Variants in TPP2 observed in about 807,000 individuals in gnomAD.
TPP2 encodes the protein tripeptidyl peptidase 2.
Under a neutral mutation model 155.9 loss-of-function variants are expected in TPP2, and 34 were observed. The ratio of observed to expected loss-of-function variants is 0.22; its 90% CI spans 0.17 to 0.29. The LOEUF (loss-of-function observed/expected upper bound fraction) is 0.29. Ranked by LOEUF, TPP2 falls within the 10% of genes least tolerant of loss-of-function variation. TPP2 has a pLI of 1.00. For synonymous variants in TPP2, 510 were observed against 529.4 expected (o/e 0.96, Z 0.50); for missense variants, 1,028 against 1,522.3 (o/e 0.68, Z 5.40).
Position 102,618,785 on chromosome 13 carries a change from A to C in TPP2, c.559A>C (p.Lys187Gln), listed in dbSNP as rs1475060461. ...GGAATTGCTAAATTCTTTTGAGAAG[A>C]AATACAGCGATCCTGGCCCTGTATA... ...QVELLNSFEK[K>Q]YSDPGPVYDC... Residue 187 changes from lysine to glutamine, a missense_variant, in exon 5 of 30, where the codon AAA becomes CAA. Physicochemically the swap from Lys to Gln is moderately conservative, Grantham distance 53. Transcript: ENST00000376052. 6.2e-7 allele frequency: 1 copy of C among 1,614,028 alleles called. No homozygotes were observed. Among genetic ancestry groups the C allele is most frequent in the Non-Finnish European group, 8.5e-7 (1 of 1,179,904 alleles).
chr13:102,607,574 A>G (rs555338714), intron 2 of TPP2: 8 of 381,556 alleles, frequency 2.1e-5, no homozygotes, highest in Non-Finnish European at 3.2e-5. Context: ...ATAAAGTATT[A>G]CTCGAGCATT....
chr13:102,637,925 T>C (rs1201581321), intron 14 of TPP2, among the ~76,000 whole-genome samples: 2 of 152,196 alleles, frequency 1.3e-5, no homozygotes, highest in Non-Finnish European at 2.9e-5. Context: ...TAGAATAGTA[T>C]CACAACAGTA....
rs56934655 is a variant in TPP2 at position 102,648,429 on chromosome 13, CGTGT to C, written c.2629-443_2629-440del. Among the ~76,000 whole-genome samples the C allele has an allele frequency of 7.9e-3, 1,163 of 148,058 alleles. 4 individuals carry two copies. Among genetic ancestry groups the C allele is most frequent in the Middle Eastern group, 0.014 (4 of 286 alleles). On this transcript the variant is annotated intron_variant, in intron 21 of 29. Coordinates refer to ENST00000376052, the MANE Select transcript of TPP2 (RefSeq NM_001330588.2). ...GGATTACCAGTAGTCATAAGTTACA[CGTGT>C]GTGTGTGTGTGTGTGTGTGTGTGTG... is the stretch of plus-strand genomic sequence containing the variant.
chr13:102,652,079 A>G (rs1883530987), intron 24 of TPP2, among the ~76,000 whole-genome samples: 1 of 152,296 alleles, frequency 6.6e-6, no homozygotes, highest in East Asian at 1.9e-4. Flanking sequence ...AATGTCTGCT[A>G]TAAATATATT....
intron 27 of TPP2, among the ~76,000 whole-genome samples, chr13:102,666,766 CTTTTTTT>C: frequency 3.0e-3 from 170 of 55,758 alleles, no homozygotes; most frequent in African/African-American, 0.012. Context: ...TTTTTAATCT[CTTTTTTT>C]TTTTTTTTTT....
At chr13:102,649,368 T>C in intron 22 of TPP2, 40 bp from the exon 23 acceptor site, 1 of 1,579,900 alleles carries the variant, frequency 6.3e-7, no homozygotes, top group Non-Finnish European at 8.6e-7. Flanking sequence ...TGAAACTTTC[T>C]CTTTTGTTGC....
intron 24 of TPP2, among the ~76,000 whole-genome samples, chr13:102,651,600 A>G (rs1037939394): frequency 1.3e-5 from 2 of 150,016 alleles, no homozygotes; most frequent in Non-Finnish European, 3.0e-5. Context: ...TTTCCCCACC[A>G]TAAATTCCTG....
intron 23 of TPP2, 52 bp downstream of exon 23, chr13:102,649,538 C>T: frequency 6.8e-7 from 1 of 1,472,880 alleles, no homozygotes; most frequent in Non-Finnish European, 9.3e-7. Context: ...AATTTCATTT[C>T]TTTAAAGATA....
chr13:102,615,955 CT>C (rs34368820), intron 3 of TPP2, among the ~76,000 whole-genome samples: 36 of 147,820 alleles, frequency 2.4e-4, no homozygotes, highest in East Asian at 6.0e-4. Flanking sequence ...TCATTAGAAA[CT>C]TTTTTTTTTT....
At chr13:102,625,626 A>T (rs542253750) in intron 6 of TPP2, among the ~76,000 whole-genome samples, 1 of 152,300 alleles carries the variant, frequency 6.6e-6, no homozygotes, top group South Asian at 2.1e-4. Flanking sequence ...GAAGGAAAAA[A>T]TCACATTAAA....
chr13:102,643,125 C>A lies in TPP2; in HGVS notation c.2021-97C>A, dbSNP rs550506437. 154 of 1,150,680 alleles carry A rather than the reference C, an allele frequency of 1.3e-4. 4 individuals carry two copies. The South Asian group carries it at 2.4e-3, about 18-fold the overall frequency. 71.3% of individuals were successfully genotyped at this position (1,150,680 alleles called of 1,614,324 possible). A position where few individuals can be genotyped will look rare whatever the true frequency, so the allele number is the denominator to read the frequency against. On this transcript the variant is annotated intron_variant, in intron 16 of 29. Coordinates refer to ENST00000376052, the MANE Select transcript of TPP2 (RefSeq NM_001330588.2). ...ATTTTTGATCCCTATTATGTCCCTA[C>A]ATGGGAATTATCCCTAAGTGGGCAT...
intron 2 of TPP2, among the ~76,000 whole-genome samples, chr13:102,606,129 A>G (rs537959063): frequency 2.0e-5 from 3 of 152,342 alleles, no homozygotes; most frequent in Non-Finnish European, 4.4e-5. Flanking sequence ...AAGGAGCATG[A>G]AGGATGGATG....
chr13:102,672,483 G>A (rs529990963), intron 27 of TPP2, among the ~76,000 whole-genome samples: 1 of 152,158 alleles, frequency 6.6e-6, no homozygotes, highest in African/African-American at 2.4e-5. Context: ...ATCCTCTTTC[G>A]AAGCTTTTGC....
Position 102,626,354 on chromosome 13 carries a change from G to A in TPP2, c.785-658G>A, listed in dbSNP as rs921929147. Among the ~76,000 whole-genome samples the A allele has an allele frequency of 7.9e-5, 12 of 152,130 alleles. 1 individual carries two copies. The highest frequency in any genetic ancestry group is 2.0e-4 in the Admixed American group (3 of 15,282). ...TAGTACATAGTAGTAGTTTATTGCTGTATAATTGTCAGTTCTATGAATTGA... is the reference window on the plus strand; with the variant it reads ...TAGTACATAGTAGTAGTTTATTGCTATATAATTGTCAGTTCTATGAATTGA... On this transcript the variant is annotated intron_variant, in intron 6 of 29. Transcript: ENST00000376052.
At chr13:102,665,840 C>A (rs967986148) in intron 27 of TPP2, among the ~76,000 whole-genome samples, 1 of 152,048 alleles carries the variant, frequency 6.6e-6, no homozygotes, top group Admixed American at 6.6e-5. Flanking sequence ...ACATAAAATA[C>A]TTGGATTCCA....
At chr13:102,639,661 AGG>A (rs1398271351) in intron 15 of TPP2, among the ~76,000 whole-genome samples, 1 of 39,528 alleles carries the variant, frequency 2.5e-5, no homozygotes, top group Non-Finnish European at 5.3e-5. Context: ...TCCTAATAAC[AGG>A]GCCTCATGTA....
chr13:102,630,633 A>G (rs947857386), intron 10 of TPP2, among the ~76,000 whole-genome samples: 3 of 152,172 alleles, frequency 2.0e-5, no homozygotes, highest in African/African-American at 7.2e-5. Context: ...ACTTTGAGCA[A>G]TTTTGGGTGA....
chr13:102,644,702 T>G (rs1410608033), intron 18 of TPP2, 29 bp downstream of exon 18: 17 of 1,560,886 alleles, frequency 1.1e-5, no homozygotes, highest in Admixed American at 1.9e-5. Context: ...TCATGATTTT[T>G]AATGTCAGTT....
At chr13:102,609,687 G>A (rs1201727544) in intron 2 of TPP2, among the ~76,000 whole-genome samples, 5 of 151,876 alleles carry the variant, frequency 3.3e-5, no homozygotes, top group East Asian at 1.9e-4. Flanking sequence ...GCGAGCCACC[G>A]TGCCCAGCCC....
Sources: gnomAD v4.1 joint callset for allele counts (sites outside exome capture counted in the v4.1 genomes callset) on GRCh38, gnomAD v4.1.1 for gene constraint, MANE v1.5 for transcripts, NCBI Gene and HGNC (gene_info 2026-07-23, HGNC 2026-07-21) for gene names.